Variants in TRIM3 observed in about 807,000 individuals in gnomAD.
The protein encoded by TRIM3 is tripartite motif containing 3.
Under a neutral mutation model 66.6 loss-of-function variants are expected in TRIM3, and 13 were observed. That is an observed-to-expected ratio of 0.20 (90% confidence interval 0.13 to 0.31). TRIM3 has a LOEUF of 0.31. Ranked by LOEUF, TRIM3 falls within the 10% of genes least tolerant of loss-of-function variation. TRIM3 has a pLI of 1.00. For synonymous variants in TRIM3, 406 were observed against 411.7 expected, an observed-to-expected ratio of 0.99 and a Z score of 0.17; for missense variants, 711 against 1,020.4, an observed-to-expected ratio of 0.70 and a Z score of 4.13.
Position 6,449,516 on chromosome 11 carries a change from G to C in TRIM3, c.1942-70C>G. On this transcript the variant is annotated intron_variant, in intron 10 of 11. Transcript: ENST00000345851. The surrounding 1 kb of genome is among the most constrained non-coding windows in gnomAD (Gnocchi z 5.3). Reference sequence around the variant, plus strand: ...GAGGGTAGGGCTTTGGAGGAGGATAGGGTGAAGCCCCAGGGCTGAGAACCC... The same window carrying C: ...GAGGGTAGGGCTTTGGAGGAGGATACGGTGAAGCCCCAGGGCTGAGAACCC... 6.7e-7 allele frequency: 1 copy of C among 1,492,442 alleles called. No homozygotes were observed. 92.4% of individuals were successfully genotyped at this position (1,492,442 alleles called of 1,614,324 possible).
At chr11:6,470,747 C>A (rs906560938) in intron 1 of TRIM3, among the ~76,000 whole-genome samples, 2 of 152,282 alleles carry the variant, frequency 1.3e-5, no homozygotes, top group South Asian at 2.1e-4. Flanking sequence ...GATGACATTA[C>A]CCTGAGAGGG....
At position 6,456,328 on chromosome 11, in the gene TRIM3, G is replaced by A. The variant is rs1184881150; in HGVS notation, c.1398C>T (p.Asn466=). The A allele has an allele frequency of 1.9e-6, 3 of 1,545,404 alleles. 1 individual carries two copies. The highest frequency in any genetic ancestry group is 2.5e-5 in the South Asian group (2 of 79,976). ...GGAAGACGAGCTCATCCTCAATTGG[G>A]TTGTCCTTTCGTTTGCCGCCTGTGC... ...MYSTGGKRKD[N]PIEDELVFRV... is the part of the protein sequence containing the mutation. Residue 466 remains asparagine, a synonymous_variant, in exon 6 of 12, where the codon AAC becomes AAT. Transcript: ENST00000345851. This position sits in a 1 kb window ranked among gnomAD's most constrained non-coding sequence, Gnocchi z 6.4.
At position 6,451,059 on chromosome 11, in the gene TRIM3, G is replaced by A. The variant is rs762006556; in HGVS notation, c.1703C>T (p.Thr568Ile). The A allele has an allele frequency of 4.3e-6, 7 of 1,614,006 alleles. No individual in the cohort carries two copies. In the African/African-American group the frequency reaches 9.3e-5, roughly 22 times the overall value. ...CATGAGGCGGCCAGCTCCAATCTTG[G>A]TCTGGAGGAAGAGAATATCCATAAG... ...SIFSPEGKFK[T>I]KIGAGRLMGP... The change falls in exon 9 of 12, where the codon ACC becomes ATC. Residue 568 changes from threonine (T) to isoleucine (I), a missense_variant and splice_region_variant. By Grantham distance (89) the Thr-to-Ile change is moderately conservative (BLOSUM62 -1). This residue lies in a region of TRIM3 where 163 missense variants were observed against 321.9 expected (regional missense o/e 0.51). Transcript: ENST00000345851.
chr11:6,457,674 C>CA lies in TRIM3; in HGVS notation c.515+21dup. The CA allele has an allele frequency of 6.2e-7, 1 of 1,605,538 alleles. No homozygotes were observed. The highest frequency in any genetic ancestry group is 8.5e-7 in the Non-Finnish European group (1 of 1,174,144). ...CACCATCCCTGTGGCCCCACCAGCCCAGGACCCTGCCCAGTGCCTACCGGC... is the reference window on the plus strand; with the variant it reads ...CACCATCCCTGTGGCCCCACCAGCCCAAGGACCCTGCCCAGTGCCTACCGGC... On this transcript the variant is annotated intron_variant, in intron 4 of 11. Coordinates refer to ENST00000345851, the MANE Select transcript of TRIM3 (RefSeq NM_033278.4). The surrounding 1 kb of genome is among the most constrained non-coding windows in gnomAD (Gnocchi z 4.5).
chr11:6,465,793 G>T, intron 1 of TRIM3, 61 bp from the exon 2 acceptor site: 1 of 1,485,354 alleles, frequency 6.7e-7, no homozygotes, highest in Non-Finnish European at 9.2e-7. Flanking sequence ...CCCAATCCCC[G>T]CCACTCAAAT....
Position 6,457,052 on chromosome 11 carries a change from T to C in TRIM3, c.697-23A>G. On this transcript the variant is annotated intron_variant, in intron 5 of 11. Transcript: ENST00000345851. This position sits in a 1 kb window ranked among gnomAD's most constrained non-coding sequence, Gnocchi z 4.5. ...CACCTGATGAGGGGTAGGGGAGGAG[T>C]GGGTGAGCAGACTGGCACAGGGGGA... 6.4e-7 allele frequency: 1 copy of C among 1,570,700 alleles called. No individual in the cohort carries two copies. The highest frequency in any genetic ancestry group is 8.6e-7 in the Non-Finnish European group (1 of 1,159,008).
rs199586229 is a variant in TRIM3, at chr11:6,456,309, C to T, written c.1417G>A (p.Val473Ile). The T allele has an allele frequency of 3.9e-6, 6 of 1,552,116 alleles. No homozygotes were observed. The East Asian group carries it at 6.8e-5, about 18-fold the overall frequency. The change falls in exon 6 of 12, where the codon GTC (valine) becomes ATC (isoleucine). Residue 473 changes from valine (V) to isoleucine (I), a missense_variant. This residue lies in a region of TRIM3 where 399 missense variants were observed against 458.1 expected (regional missense o/e 0.87). Transcript: ENST00000345851. The surrounding 1 kb of genome is among the most constrained non-coding windows in gnomAD (Gnocchi z 6.4). ...CGGCTGTCTGTACCAACACGGAAGA[C>T]GAGCTCATCCTCAATTGGGTTGTCC... ...RKDNPIEDEL[V>I]FRVGSRGREK...
At position 6,449,258 on chromosome 11, in the gene TRIM3, G is replaced by C. The variant is rs1430310651; in HGVS notation, c.2082+48C>G. On this transcript the variant is annotated intron_variant, in intron 11 of 11. Coordinates refer to ENST00000345851, the MANE Select transcript of TRIM3 (RefSeq NM_033278.4). The surrounding 1 kb of genome is among the most constrained non-coding windows in gnomAD (Gnocchi z 5.3). The stretch of plus-strand genomic sequence containing the variant: ...CTGTTTTGGGGGAACGGGCATATGG[G>C]ACACACCAGGAAACCGCCCCCTCAT... 3.1e-6 allele frequency: 5 copies of C among 1,610,052 alleles called. No individual in the cohort carries two copies. Among genetic ancestry groups the C allele is most frequent in the Non-Finnish European group, 3.4e-6 (4 of 1,176,758 alleles).
rs1043345237 is a variant in TRIM3, at chr11:6,466,024, C to T, written c.-37-292G>A. ...GCCTCAGTCTCTTAATTTGTAATTACAGGAATAATAATTTGAGAGTGTGAC... is the reference window on the plus strand; with the variant it reads ...GCCTCAGTCTCTTAATTTGTAATTATAGGAATAATAATTTGAGAGTGTGAC... On this transcript the variant is annotated intron_variant, in intron 1 of 11. Transcript: ENST00000345851. 2.0e-5 allele frequency among the ~76,000 whole-genome samples: 3 copies of T among 152,348 alleles called. 1 individual carries two copies. Among genetic ancestry groups the T allele is most frequent in the South Asian group, 4.1e-4 (2 of 4,824 alleles).
chr11:6,457,755 C>G lies in TRIM3; in HGVS notation c.456G>C (p.Arg152Ser). ...EHREHGTVLL[R>S]DVVEQHKAAL... The stretch of plus-strand genomic sequence containing the variant: ...CCGCCTTGTGCTGCTCCACCACATC[C>G]CTCAGCAGCACTGTGCCATGCTCAC... Residue 152 changes from arginine (R) to serine (S), a missense_variant, in exon 4 of 12, where the codon AGG (arginine) becomes AGC (serine). Physicochemically the swap from Arg to Ser is moderately radical, Grantham distance 110. This residue lies in a region of TRIM3 where 149 missense variants were observed against 240.3 expected (regional missense o/e 0.62). Transcript: ENST00000345851. This position sits in a 1 kb window ranked among gnomAD's most constrained non-coding sequence, Gnocchi z 4.5. 1 of 1,614,178 alleles carries G rather than the reference C, an allele frequency of 6.2e-7. No individual in the cohort carries two copies. Among genetic ancestry groups the G allele is most frequent in the Non-Finnish European group, 8.5e-7 (1 of 1,180,026 alleles).
Position 6,456,149 on chromosome 11 carries a change from A to G in TRIM3, c.1456T>C (p.Phe486Leu). Reference sequence around the variant, plus strand: ...GCGGACACACCTTGTAAATTGGTGAATTCACCTTTCTCCCTTCCACGACTG... The same window carrying G: ...GCGGACACACCTTGTAAATTGGTGAGTTCACCTTTCTCCCTTCCACGACTG... Reference protein sequence around the residue: ...VGSRGREKGEFTNLQGVSAAS... With the variant: ...VGSRGREKGELTNLQGVSAAS... The change falls in exon 7 of 12, where the codon TTC (phenylalanine) becomes CTC (leucine). Residue 486 changes from phenylalanine to leucine, a missense_variant. By Grantham distance (22) the Phe-to-Leu change is conservative. Transcript: ENST00000345851. The surrounding 1 kb of genome is among the most constrained non-coding windows in gnomAD (Gnocchi z 6.4). 6.2e-7 allele frequency: 1 copy of G among 1,614,118 alleles called. No individual in the cohort carries two copies. Among genetic ancestry groups the G allele is most frequent in the South Asian group, 1.1e-5 (1 of 91,078 alleles).
chr11:6,451,025 C>T lies in TRIM3; in HGVS notation c.1737G>A (p.Lys579=), dbSNP rs140488584. 3 of 1,614,078 alleles carry T rather than the reference C, an allele frequency of 1.9e-6. No individual in the cohort carries two copies. Among genetic ancestry groups the T allele is most frequent in the Non-Finnish European group, 2.5e-6 (3 of 1,180,024 alleles). Residue 579 remains lysine, a synonymous_variant, in exon 9 of 12, where the codon AAG becomes AAA. Coordinates refer to ENST00000345851, the MANE Select transcript of TRIM3 (RefSeq NM_033278.4). ...GTCCATTCCGGTCTACGGCCACTCC[C>T]TTGGGGCCCATGAGGCGGCCAGCTC... ...KIGAGRLMGP[K]GVAVDRNGHI...
Position 6,456,362 on chromosome 11 carries a change from G to C in TRIM3, c.1364C>G (p.Ser455Cys). Residue 455 changes from serine (S) to cysteine (C), a missense_variant, in exon 6 of 12, where the codon TCC becomes TGC. By Grantham distance (112) the Ser-to-Cys change is moderately radical (BLOSUM62 -1). This residue lies in a region of TRIM3 where 399 missense variants were observed against 458.1 expected (regional missense o/e 0.87). Coordinates refer to ENST00000345851, the MANE Select transcript of TRIM3 (RefSeq NM_033278.4). The surrounding 1 kb of genome is among the most constrained non-coding windows in gnomAD (Gnocchi z 6.4). ...TCGTTTGCCGCCTGTGCTGTACATG[G>C]AGCTGGGCCTACGCACTGCCTTCTG... ...VRQKAVRRPS[S>C]MYSTGGKRKD... 1 of 1,535,526 alleles carries C rather than the reference G, an allele frequency of 6.5e-7. No homozygotes were observed. Among genetic ancestry groups the C allele is most frequent in the South Asian group, 1.3e-5 (1 of 78,760 alleles).
In TRIM3 at chr11:6,457,530, T is replaced by C. The variant is rs1329409658; in HGVS notation, c.516-54A>G. The stretch of plus-strand genomic sequence containing the variant: ...TGCTGAGGGTGGCTTTGCCGAACTT[T>C]CCCTTCTCCCTGGGGAACCTACTGC... On this transcript the variant is annotated intron_variant, in intron 4 of 11. Coordinates refer to ENST00000345851, the MANE Select transcript of TRIM3 (RefSeq NM_033278.4). The surrounding 1 kb of genome is among the most constrained non-coding windows in gnomAD (Gnocchi z 4.5). 2.5e-6 allele frequency: 4 copies of C among 1,591,150 alleles called. No individual in the cohort carries two copies. The highest frequency in any genetic ancestry group is 1.3e-5 in the African/African-American group (1 of 74,590).
upstream of TRIM3, chr11:6,474,194 C>T (rs1436219377): frequency 6.6e-6 from 1 of 152,184 alleles, no homozygotes; most frequent in African/African-American, 2.4e-5. Flanking sequence ...CCGCCAGCTG[C>T]CTCCGGCTCC....
chr11:6,451,127 C>A, intron 8 of TRIM3, 67 bp from the exon 9 acceptor site: 1 of 1,600,988 alleles, frequency 6.2e-7, no homozygotes, highest in Non-Finnish European at 8.5e-7. Flanking sequence ...TAACCCAGTA[C>A]CAAAGCAGAA....
chr11:6,455,156 C>T (rs1849909265), intron 7 of TRIM3, among the ~76,000 whole-genome samples: 1 of 152,048 alleles, frequency 6.6e-6, no homozygotes, highest in South Asian at 2.1e-4. Flanking sequence ...TCCACCTGGA[C>T]GATGATATTT....
chr11:6,455,945 CTTAAGGAACGGTACT>C, intron 7 of TRIM3, 112 bp downstream of exon 7: 1 of 881,498 alleles, frequency 1.1e-6, no homozygotes, highest in Non-Finnish European at 1.7e-6. Flanking sequence ...ATTCACTGCT[CTTAAGGAACGGTACT>C]ATCTGTAGGG....
Position 6,458,349 on chromosome 11 carries a change from C to A in TRIM3, c.132-53G>T. 1 of 1,489,634 alleles carries A rather than the reference C, an allele frequency of 6.7e-7. No homozygotes were observed. 92.3% of individuals were successfully genotyped at this position (1,489,634 alleles called of 1,614,324 possible). A position where few individuals can be genotyped will look rare whatever the true frequency, so the allele number is the denominator to read the frequency against. ...GAGTGGGTGGGGTGGCATAAGTGCA[C>A]CCTTCCTTATACTTCCCATGGGTGC... On this transcript the variant is annotated intron_variant, in intron 2 of 11. Transcript: ENST00000345851. The surrounding 1 kb of genome is among the most constrained non-coding windows in gnomAD (Gnocchi z 6.2).
Sources: gnomAD v4.1 joint callset for allele counts (sites outside exome capture counted in the v4.1 genomes callset) on GRCh38, gnomAD v4.1.1 for gene constraint, gnomAD v4.1.1 regional missense constraint, Gnocchi (gnomAD v3.1) non-coding constraint, MANE v1.5 for transcripts, NCBI Gene and HGNC (gene_info 2026-07-23, HGNC 2026-07-21) for gene names.